The following DTNA variants were observed in gnomAD, a reference collection of about 807,000 sequenced individuals.
DTNA encodes the protein dystrobrevin alpha, also known as dystrophin-related protein 3.
A neutral mutation model predicts 100.7 loss-of-function variants in DTNA; 43 were observed. The observed-to-expected ratio is 0.43, with a 90% CI of 0.33 to 0.55. The LOEUF is 0.55. DTNA is among the 20% of genes least tolerant of loss of function. The probability of loss-of-function intolerance (pLI) is 0.04; values close to 1 mark genes in which losing one functional copy is unlikely to be tolerated. For synonymous variants in DTNA, 349 were observed against 347.9 expected, an observed-to-expected ratio of 1.00 and a Z score of -0.04; for missense variants, 798 against 953.9, an observed-to-expected ratio of 0.84 and a Z score of 2.15.
At chr18:34,811,780 A>C (rs1456857587) in intron 5 of DTNA, among the ~76,000 whole-genome samples, 179 bp from the exon 6 acceptor site, 1 of 152,232 alleles carries the variant, frequency 6.6e-6, no homozygotes, top group Non-Finnish European at 1.5e-5. Context: ...CATCTACAAA[A>C]AGAAACCAGA....
chr18:34,651,943 A>G lies in DTNA; in HGVS notation c.-1-104033A>G, dbSNP rs537417447. 4.6e-5 allele frequency among the ~76,000 whole-genome samples: 7 copies of G among 152,112 alleles called. No homozygotes were observed. In the South Asian group the frequency reaches 1.5e-3, roughly 32 times the overall value. On this transcript the variant is annotated intron_variant, in intron 1 of 19. Transcript: ENST00000283365. ...GCTGGGCATGGTAGCCCACACATAT[A>G]TAGTCCCAGGCACTCAGGAGGCTGA...
chr18:34,588,794 G>A (rs2146852720), intron 1 of DTNA, among the ~76,000 whole-genome samples: 1 of 151,204 alleles, frequency 6.6e-6, no homozygotes, highest in South Asian at 2.1e-4. Flanking sequence ...AATCATTTTG[G>A]TAGGAATTTT....
chr18:34,599,627 C>T lies in DTNA; in HGVS notation c.-2+106113C>T, dbSNP rs111902307. 6.0e-3 allele frequency among the ~76,000 whole-genome samples: 920 copies of T among 152,270 alleles called. 12 individuals are homozygous for T. Among genetic ancestry groups the T allele is most frequent in the African/African-American group, 0.021 (880 of 41,540 alleles). On this transcript the variant is annotated intron_variant, in intron 1 of 19. Transcript: ENST00000283365. ...CCCTTCATTTTACTTTTTCTTATTA[C>T]AGAAGCAATGTAGGAAAATCATGAC... is the stretch of plus-strand genomic sequence containing the variant.
At chr18:34,611,680 G>A (rs1430077540) in intron 1 of DTNA, among the ~76,000 whole-genome samples, 2 of 152,174 alleles carry the variant, frequency 1.3e-5, no homozygotes, top group African/African-American at 4.8e-5. Context: ...AACCATGTGG[G>A]CTCAGGAGTC....
At chr18:34,520,449 C>T (rs914201125) in intron 1 of DTNA, among the ~76,000 whole-genome samples, 1 of 151,988 alleles carries the variant, frequency 6.6e-6, no homozygotes, top group Non-Finnish European at 1.5e-5. Flanking sequence ...GTCAGGAGTT[C>T]GAGACCAGCC....
intron 2 of DTNA, among the ~76,000 whole-genome samples, chr18:34,763,167 AC>A (rs1568442234): frequency 2.6e-5 from 4 of 152,244 alleles, no homozygotes; most frequent in Non-Finnish European, 5.9e-5. Flanking sequence ...GTGATTATTT[AC>A]AGATATTGAG....
intron 17 of DTNA, chr18:34,865,997 A>G (rs1450398860): frequency 4.3e-6 from 5 of 1,176,024 alleles, no homozygotes; most frequent in Admixed American, 1.7e-5. Flanking sequence ...AGAGGCCTGG[A>G]CCTGCCGTCA....
chr18:34,544,570 T>C (rs554967697), intron 1 of DTNA, among the ~76,000 whole-genome samples: 2 of 152,284 alleles, frequency 1.3e-5, no homozygotes, highest in Non-Finnish European at 2.9e-5. Flanking sequence ...AAACTTTAGT[T>C]GACATAACAA....
In DTNA at chr18:34,838,718, G is replaced by A. The variant is rs201330142; in HGVS notation, c.1254-27G>A. 1.2e-4 allele frequency: 184 copies of A among 1,596,114 alleles called. 2 individuals carry two copies. The East Asian group carries it at 3.0e-3, about 26-fold the overall frequency. On this transcript the variant is annotated intron_variant, in intron 12 of 22. Coordinates refer to ENST00000444659, the MANE Select transcript of DTNA (RefSeq NM_001386795.1). ...TTCTGTCCACCTCTCTTAACAACAC[G>A]CTTTCTTTCCCCCTGCCCTGTTTCA...
chr18:34,789,639 C>T (rs1242616732), intron 3 of DTNA, among the ~76,000 whole-genome samples: 1 of 152,136 alleles, frequency 6.6e-6, no homozygotes, highest in Admixed American at 6.5e-5. Context: ...TCACAATCTA[C>T]CATAGTGTTT....
chr18:34,742,629 T>TTCTATTATCAATCTAGATAAATAGATAA (rs2090874768), intron 1 of DTNA, among the ~76,000 whole-genome samples: 1 of 137,690 alleles, frequency 7.3e-6, no homozygotes, highest in Non-Finnish European at 1.6e-5. Context: ...TCTGATTATC[T>TTCTATTATCAATCTAGATAAATAGATAA]TCTATTATCT....
At chr18:34,555,418 C>G (rs1469706709) in intron 1 of DTNA, among the ~76,000 whole-genome samples, 1 of 151,544 alleles carries the variant, frequency 6.6e-6, no homozygotes, top group Non-Finnish European at 1.5e-5. Context: ...CTTCTACTAG[C>G]TTTTGAATGT....
At chr18:34,886,062 T>C (rs1432488720) in intron 22 of DTNA, among the ~76,000 whole-genome samples, 1 of 152,200 alleles carries the variant, frequency 6.6e-6, no homozygotes, top group Admixed American at 6.5e-5. Flanking sequence ...TTCCCAATCA[T>C]GGAATCCCAT....
chr18:34,515,930 A>G (rs1330030694), intron 1 of DTNA, among the ~76,000 whole-genome samples: 2 of 152,146 alleles, frequency 1.3e-5, no homozygotes, highest in African/African-American at 4.8e-5. Flanking sequence ...TTCATTTAAG[A>G]GAGAAGCTAA....
chr18:34,709,879 C>T (rs1299298577), upstream of DTNA, among the ~76,000 whole-genome samples: 1 of 152,124 alleles, frequency 6.6e-6, no homozygotes, highest in East Asian at 1.9e-4. Flanking sequence ...TTACTGAATA[C>T]ATTACTGCAT....
intron 1 of DTNA, among the ~76,000 whole-genome samples, chr18:34,512,981 C>T (rs1166233252): frequency 6.6e-6 from 1 of 152,008 alleles, no homozygotes; most frequent in African/African-American, 2.4e-5. Flanking sequence ...AAGATGACAA[C>T]AGTGAATGAA....
intron 1 of DTNA, among the ~76,000 whole-genome samples, chr18:34,621,553 G>A (rs2056507437): frequency 2.0e-5 from 3 of 150,870 alleles, no homozygotes; most frequent in Admixed American, 2.0e-4. Context: ...AGGACATCAT[G>A]TTAAGTGAAA....
Position 34,571,013 on chromosome 18 carries a change from C to A in DTNA, c.-2+77499C>A, listed in dbSNP as rs557321429. Among the ~76,000 whole-genome samples, 8 of 152,306 alleles carry A rather than the reference C, an allele frequency of 5.3e-5. No individual in the cohort carries two copies. In the South Asian group the frequency reaches 1.7e-3, roughly 32 times the overall value. Reference sequence around the variant, plus strand: ...GCTTTGCATTCATTGCCACTTGTCTCCATAATAGCCTTTGTAAGGTATATA... The same window carrying A: ...GCTTTGCATTCATTGCCACTTGTCTACATAATAGCCTTTGTAAGGTATATA... On this transcript the variant is annotated intron_variant, in intron 1 of 19. Transcript: ENST00000283365.
rs770862347 is a variant in DTNA, at chr18:34,875,409, T to A, written c.1903+11T>A. On this transcript the variant is annotated intron_variant, in intron 18 of 22. Coordinates refer to ENST00000444659, the MANE Select transcript of DTNA (RefSeq NM_001386795.1). ...AGGCATTTGCACAAAGTAAGTGGCT[T>A]TATTTTTTGTTGTGGTCTGCTTTTA... The A allele has an allele frequency of 2.5e-6, 4 of 1,614,050 alleles. No individual in the cohort carries two copies. The highest frequency in any genetic ancestry group is 3.4e-6 in the Non-Finnish European group (4 of 1,180,026).
Sources: allele counts gnomAD v4.1 joint callset (sites outside exome capture counted in the v4.1 genomes callset), GRCh38; gene constraint gnomAD v4.1.1; transcripts MANE v1.5; gene names NCBI Gene and HGNC (gene_info 2026-07-23, HGNC 2026-07-21).